MGAT4C: variants seen among roughly 807,000 people sequenced by gnomAD.
The protein encoded by MGAT4C is alpha-1,3-mannosyl-glycoprotein 4-beta-N-acetylglucosaminyltransferase C.
A neutral mutation model predicts 40.1 loss-of-function variants in MGAT4C; 19 were observed. The ratio of observed to expected loss-of-function variants is 0.47; its 90% CI spans 0.33 to 0.70. MGAT4C has a LOEUF of 0.70. Ranked by LOEUF, MGAT4C falls within the 30% of genes least tolerant of loss-of-function variation. The pLI, the probability that MGAT4C is intolerant of heterozygous loss-of-function variation, is 0.02. For missense variants in MGAT4C, 491 were observed against 563.2 expected (o/e 0.87, Z 1.30); for synonymous variants, 181 against 187.1 (o/e 0.97, Z 0.27).
intron 2 of MGAT4C, among the ~76,000 whole-genome samples, chr12:86,522,803 C>G (rs140790725): frequency 6.6e-6 from 1 of 152,186 alleles, no homozygotes; most frequent in South Asian, 2.1e-4. Flanking sequence ...CAAGATTCAA[C>G]TTCTTCCTGG....
At chr12:86,017,537 A>C (rs1404829892) in intron 2 of MGAT4C, among the ~76,000 whole-genome samples, 1 of 152,184 alleles carries the variant, frequency 6.6e-6, no homozygotes, top group African/African-American at 2.4e-5. Context: ...TTTAACTGCT[A>C]TAAGTAAACA....
intron 1 of MGAT4C, among the ~76,000 whole-genome samples, chr12:86,731,879 A>G (rs1950915527): frequency 6.6e-6 from 1 of 152,116 alleles, no homozygotes. Context: ...TTTTTTAGCT[A>G]GAAGCATTAC....
intron 2 of MGAT4C, among the ~76,000 whole-genome samples, chr12:86,005,548 T>C (rs1187682866): frequency 1.3e-5 from 2 of 152,150 alleles, no homozygotes. Context: ...TCTAGGGTTC[T>C]TAGCCTTACA....
chr12:86,413,338 G>C lies in MGAT4C; in HGVS notation c.-120+21819C>G, dbSNP rs115782136. On this transcript the variant is annotated intron_variant, in intron 3 of 7. Transcript: ENST00000548651. ...TAGCTAATAGGAGGCAAAGAAGCTTGTTCAGAGGAAAATGAATGAAACAAG... is the reference window on the plus strand; with the variant it reads ...TAGCTAATAGGAGGCAAAGAAGCTTCTTCAGAGGAAAATGAATGAAACAAG... Among the ~76,000 whole-genome samples the C allele has an allele frequency of 5.8e-3, 881 of 152,268 alleles. 7 individuals are homozygous for C. Among genetic ancestry groups the C allele is most frequent in the African/African-American group, 0.02 (845 of 41,562 alleles).
At chr12:86,357,267 A>C (rs1358746532) in intron 3 of MGAT4C, among the ~76,000 whole-genome samples, 1 of 152,182 alleles carries the variant, frequency 6.6e-6, no homozygotes, top group Non-Finnish European at 1.5e-5. Context: ...GGTCCTGACT[A>C]TTAGAAGGAA....
At chr12:86,261,196 T>C (rs1186751585), upstream of MGAT4C, among the ~76,000 whole-genome samples, 1 of 152,142 alleles carries the variant, frequency 6.6e-6, no homozygotes, top group Non-Finnish European at 1.5e-5. Context: ...TGATTTGACA[T>C]TTTAAGAATT....
At chr12:86,664,621 C>T (rs1964058555) in intron 2 of MGAT4C, among the ~76,000 whole-genome samples, 1 of 151,694 alleles carries the variant, frequency 6.6e-6, no homozygotes, top group African/African-American at 2.4e-5. Flanking sequence ...AATTTGATTT[C>T]CAGACGTTGA....
At chr12:86,784,857 C>T (rs1951904846) in intron 1 of MGAT4C, among the ~76,000 whole-genome samples, 2 of 151,850 alleles carry the variant, frequency 1.3e-5, no homozygotes, top group Admixed American at 1.3e-4. Context: ...ATATCAAATG[C>T]AGTTCTGAAA....
chr12:86,121,468 A>T (rs1046291891), intron 1 of MGAT4C, among the ~76,000 whole-genome samples: 7 of 152,174 alleles, frequency 4.6e-5, no homozygotes, highest in African/African-American at 1.7e-4. Flanking sequence ...GTTGAAATGA[A>T]GGAAAAAATG....
intron 3 of MGAT4C, among the ~76,000 whole-genome samples, chr12:86,397,896 G>C (rs1221990158): frequency 6.6e-6 from 1 of 152,182 alleles, no homozygotes; most frequent in Non-Finnish European, 1.5e-5. Context: ...CCAGGAGTTT[G>C]AAGCTGCAGT....
chr12:86,374,049 C>A (rs1304236764), intron 3 of MGAT4C, among the ~76,000 whole-genome samples: 1 of 151,994 alleles, frequency 6.6e-6, no homozygotes, highest in Non-Finnish European at 1.5e-5. Flanking sequence ...GAACCTATCT[C>A]AAAGTCTAGA....
intron 2 of MGAT4C, among the ~76,000 whole-genome samples, chr12:86,550,742 G>A (rs1959310900): frequency 6.6e-6 from 1 of 152,156 alleles, no homozygotes; most frequent in South Asian, 2.1e-4. Context: ...CTCACTCAGT[G>A]CAAACCTGCC....
At chr12:86,036,028 C>T (rs1891207129) in intron 2 of MGAT4C, among the ~76,000 whole-genome samples, 1 of 149,864 alleles carries the variant, frequency 6.7e-6, no homozygotes, top group Non-Finnish European at 1.5e-5. Context: ...CAGCTTTGTT[C>T]TTTTGGTTTA....
At chr12:86,646,610 T>G (rs550411488) in intron 2 of MGAT4C, among the ~76,000 whole-genome samples, 1 of 152,016 alleles carries the variant, frequency 6.6e-6, no homozygotes, top group Non-Finnish European at 1.5e-5. Context: ...TTTTATTTTC[T>G]ACTTTATTTT....
At chr12:86,795,963 G>A (rs1952108779) in intron 1 of MGAT4C, among the ~76,000 whole-genome samples, 1 of 151,976 alleles carries the variant, frequency 6.6e-6, no homozygotes. Context: ...AGCAACGTAA[G>A]ACTGGTGATT....
intron 1 of MGAT4C, among the ~76,000 whole-genome samples, chr12:86,110,267 ACTATATATATAGT>A (rs1332370454): frequency 1.9e-4 from 5 of 26,068 alleles, no homozygotes; most frequent in Admixed American, 5.3e-4. Flanking sequence ...ATATATATAG[ACTATATATATAGT>A]CTATATATAT....
chr12:86,659,048 T>A (rs2136545440), intron 2 of MGAT4C, among the ~76,000 whole-genome samples: 1 of 152,228 alleles, frequency 6.6e-6, no homozygotes, highest in African/African-American at 2.4e-5. Flanking sequence ...ATGTTTATTG[T>A]CTTAAACTTC....
chr12:86,529,571 T>C (rs1273889432), intron 2 of MGAT4C, among the ~76,000 whole-genome samples: 2 of 152,068 alleles, frequency 1.3e-5, no homozygotes, highest in Non-Finnish European at 2.9e-5. Context: ...GCCAAACTTA[T>C]TTTAAATGAT....
chr12:86,142,319 T>A (rs150688352), intron 1 of MGAT4C, among the ~76,000 whole-genome samples: 43 of 152,312 alleles, frequency 2.8e-4, no homozygotes, highest in Non-Finnish European at 5.1e-4. Flanking sequence ...TGGAGCTTCC[T>A]GCCTAGGTTC....
Sources: allele counts gnomAD v4.1 joint callset (sites outside exome capture counted in the v4.1 genomes callset), GRCh38; gene constraint gnomAD v4.1.1; transcripts MANE v1.5; gene names NCBI Gene and HGNC (gene_info 2026-07-23, HGNC 2026-07-21).